The following COQ8B variants were observed in gnomAD, a reference collection of about 807,000 sequenced individuals.
COQ8B encodes the protein atypical kinase COQ8B, mitochondrial.
In COQ8B, 44 loss-of-function variants were observed where a neutral mutation model predicts 62.0. The ratio of observed to expected loss-of-function variants is 0.71; its 90% CI spans 0.56 to 0.91. The LOEUF is 0.91. Ranked by LOEUF, COQ8B falls within the 40% of genes least tolerant of loss-of-function variation. The pLI is 0.00. For synonymous variants in COQ8B, 252 were observed against 289.9 expected, an observed-to-expected ratio of 0.87 and a Z score of 1.33; for missense variants, 649 against 731.6, an observed-to-expected ratio of 0.89 and a Z score of 1.30.
At chr19:40,700,282 C>T (rs1490664314) in intron 11 of COQ8B, 28 bp downstream of exon 11, 6 of 1,611,588 alleles carry the variant, frequency 3.7e-6, no homozygotes, top group Non-Finnish European at 5.1e-6. Flanking sequence ...GGGCCATGCC[C>T]TTCCCACTGT....
At chr19:40,710,273 C>T in intron 4 of COQ8B, 137 bp from the exon 5 acceptor site, 1 of 781,210 alleles carries the variant, frequency 1.3e-6, no homozygotes, top group Admixed American at 2.6e-5. Context: ...GAGATGGAGT[C>T]TCGCTCTGTT....
intron 5 of COQ8B, among the ~76,000 whole-genome samples, chr19:40,708,514 CAA>C (rs2082117126): frequency 6.6e-6 from 1 of 152,002 alleles, no homozygotes. Flanking sequence ...GCAAGAGACT[CAA>C]AGAGGTGCAG....
chr19:40,705,918 ATACC>A (rs1202877319), intron 5 of COQ8B, among the ~76,000 whole-genome samples: 2 of 151,172 alleles, frequency 1.3e-5, no homozygotes, highest in African/African-American at 4.9e-5. Context: ...CAACCAAGCA[ATACC>A]CTGTCTCGGG....
chr19:40,713,745 C>T (rs895415293), intron 4 of COQ8B, among the ~76,000 whole-genome samples: 4 of 145,052 alleles, frequency 2.8e-5, no homozygotes, highest in East Asian at 4.0e-4. Flanking sequence ...ATTACCCGGG[C>T]GGATGGTGCA....
rs558756236 is a variant in COQ8B, at chr19:40,701,617, G to T, written c.893+983C>A. On this transcript the variant is annotated intron_variant, in intron 10 of 14. Transcript: ENST00000324464. ...ACTGCTCCTCATGAACCGGAGCCAT[G>T]TGGGGCATTTAATCGGCACACTCCC... Among the ~76,000 whole-genome samples, 6 of 152,286 alleles carry T rather than the reference G, an allele frequency of 3.9e-5. No homozygotes were observed. The East Asian group carries it at 1.2e-3, about 29-fold the overall frequency.
At chr19:40,711,643 C>T (rs1335333742) in intron 4 of COQ8B, among the ~76,000 whole-genome samples, 2 of 152,176 alleles carry the variant, frequency 1.3e-5, no homozygotes, top group Non-Finnish European at 2.9e-5. Flanking sequence ...CTGATTTCCT[C>T]TGCTACCTCT....
chr19:40,702,826 T>C, intron 9 of COQ8B, 133 bp from the exon 10 acceptor site: 1 of 774,442 alleles, frequency 1.3e-6, no homozygotes, highest in South Asian at 1.5e-5. Flanking sequence ...GACCCACATC[T>C]GTCCCTCTCC....
chr19:40,692,618 T>C (rs1316278614), intron 14 of COQ8B, among the ~76,000 whole-genome samples: 1 of 151,864 alleles, frequency 6.6e-6, no homozygotes, highest in African/African-American at 2.4e-5. Flanking sequence ...AGCCCTCTAC[T>C]CTCTCTACAA....
chr19:40,700,258 GC>G, intron 11 of COQ8B, 51 bp downstream of exon 11: 1 of 1,610,720 alleles, frequency 6.2e-7, no homozygotes, highest in Non-Finnish European at 8.5e-7. Flanking sequence ...CATGAGCCTG[GC>G]CCACCCGCCC....
At chr19:40,695,390 G>A (rs2082007015) in intron 13 of COQ8B, among the ~76,000 whole-genome samples, 2 of 151,974 alleles carry the variant, frequency 1.3e-5, no homozygotes, top group Admixed American at 1.3e-4. Context: ...ATGATTAGAG[G>A]ACCCAGGGCA....
intron 12 of COQ8B, among the ~76,000 whole-genome samples, chr19:40,697,344 G>A (rs1258317972): frequency 6.2e-4 from 94 of 152,160 alleles, no homozygotes; most frequent in Non-Finnish European, 1.5e-5. Context: ...GAACTACTGG[G>A]CTCCAGTGAT....
At chr19:40,693,691 G>A (rs913821055) in intron 13 of COQ8B, among the ~76,000 whole-genome samples, 1 of 152,176 alleles carries the variant, frequency 6.6e-6, no homozygotes, top group Non-Finnish European at 1.5e-5. Flanking sequence ...AAGTGGGGAT[G>A]CCAAAAGTGC....
chr19:40,697,875 G>GAGAGAGAGAGAGAGAGAGAGAGAC (rs58313890), intron 12 of COQ8B, among the ~76,000 whole-genome samples: 1,335 of 102,534 alleles, frequency 0.013, 44 homozygotes, highest in East Asian at 0.026. Context: ...GAGAGAGAGA[G>GAGAGAGAGAGAGAGAGAGAGAGAC]AGTTTCTACT....
intron 12 of COQ8B, among the ~76,000 whole-genome samples, chr19:40,697,851 T>TATAG (rs1446181673): frequency 6.4e-4 from 35 of 54,732 alleles, no homozygotes; most frequent in Non-Finnish European, 1.0e-3. Context: ...TATATATATA[T>TATAG]AGAGAGAGAG....
At chr19:40,693,101 G>A (rs2144679161) in intron 13 of COQ8B, 64 bp from the exon 14 acceptor site, 3 of 1,446,472 alleles carry the variant, frequency 2.1e-6, no homozygotes, top group South Asian at 1.2e-5. Flanking sequence ...TGGAGAAGAG[G>A]AGCTGGAAGC....
chr19:40,714,707 G>GTGT (rs1463598037), intron 1 of COQ8B, 72 bp from the exon 2 acceptor site: 1 of 1,406,930 alleles, frequency 7.1e-7, no homozygotes, highest in African/African-American at 1.4e-5. Context: ...ATGTTCCTCT[G>GTGT]TGTCCACCCT....
At chr19:40,695,883 T>C (rs544444000) in intron 13 of COQ8B, 106 bp downstream of exon 13, 18 of 1,162,332 alleles carry the variant, frequency 1.5e-5, no homozygotes, top group East Asian at 2.3e-5. Flanking sequence ...CTATTATTTA[T>C]TATTTCTTAA....
chr19:40,705,219 G>C, intron 6 of COQ8B, 38 bp from the exon 7 acceptor site: 1 of 1,608,242 alleles, frequency 6.2e-7, no homozygotes, highest in South Asian at 1.1e-5. Context: ...AGTAAGCGAA[G>C]AGGTGAGGAG....
intron 10 of COQ8B, among the ~76,000 whole-genome samples, chr19:40,701,837 G>A (rs1409813526): frequency 6.6e-6 from 1 of 152,174 alleles, no homozygotes; most frequent in Non-Finnish European, 1.5e-5. Context: ...GTTTTAGGCT[G>A]TCAATAAATG....
Sources: allele counts gnomAD v4.1 joint callset (sites outside exome capture counted in the v4.1 genomes callset), GRCh38; gene constraint gnomAD v4.1.1; transcripts MANE v1.5; gene names NCBI Gene and HGNC (gene_info 2026-07-23, HGNC 2026-07-21).